Variants in CCSER1 observed in about 807,000 individuals in gnomAD.
The protein encoded by CCSER1 is serine-rich coiled-coil domain-containing protein 1.
In CCSER1, 41 loss-of-function variants were observed where a neutral mutation model predicts 82.0. That is an observed-to-expected ratio of 0.50 (90% CI 0.39 to 0.65). The LOEUF is 0.65. Among genes scored for constraint, CCSER1 ranks in the 30% least tolerant of loss-of-function variants. CCSER1 has a pLI of 0.00. For missense variants in CCSER1, 1,119 were observed against 1,064.2 expected (o/e 1.05, Z -0.72); for synonymous variants, 414 against 383.9 (o/e 1.08, Z -0.92).
chr4:91,093,227 G>C (rs1462520860), intron 10 of CCSER1, among the ~76,000 whole-genome samples: 2 of 152,108 alleles, frequency 1.3e-5, no homozygotes, highest in African/African-American at 4.8e-5. Flanking sequence ...TTCTCCTCGT[G>C]GACTGATGAA....
chr4:90,814,583 G>A (rs1355454998), intron 7 of CCSER1, among the ~76,000 whole-genome samples: 3 of 152,108 alleles, frequency 2.0e-5, no homozygotes, highest in Non-Finnish European at 4.4e-5. Context: ...GCATATGACT[G>A]AATGCATTTG....
At chr4:90,853,820 G>A (rs1190525193) in intron 8 of CCSER1, among the ~76,000 whole-genome samples, 1 of 151,898 alleles carries the variant, frequency 6.6e-6, no homozygotes, top group African/African-American at 2.4e-5. Flanking sequence ...TTGTCCAGGA[G>A]GTAAAACTAA....
At chr4:91,184,028 CA>C (rs938515366) in intron 10 of CCSER1, among the ~76,000 whole-genome samples, 2 of 152,090 alleles carry the variant, frequency 1.3e-5, no homozygotes, top group African/African-American at 4.8e-5. Context: ...CTAAGGTCCC[CA>C]AGTAGGAGTA....
chr4:90,479,245 C>T (rs1297284118), intron 5 of CCSER1, among the ~76,000 whole-genome samples: 1 of 152,072 alleles, frequency 6.6e-6, no homozygotes, highest in Non-Finnish European at 1.5e-5. Context: ...AAATTCTTCA[C>T]TGATGATTAT....
intron 10 of CCSER1, among the ~76,000 whole-genome samples, chr4:91,136,324 G>A (rs1222815522): frequency 2.6e-5 from 4 of 152,120 alleles, no homozygotes; most frequent in African/African-American, 9.7e-5. Flanking sequence ...TATTGGGGTT[G>A]TTTCCTTCAA....
At chr4:91,440,955 A>T (rs939749631) in intron 10 of CCSER1, among the ~76,000 whole-genome samples, 6 of 151,820 alleles carry the variant, frequency 4.0e-5, no homozygotes, top group Admixed American at 3.3e-4. Flanking sequence ...CAATAACAGG[A>T]TCTGAAATTG....
At chr4:91,113,364 C>A (rs369518633) in intron 10 of CCSER1, among the ~76,000 whole-genome samples, 1 of 152,176 alleles carries the variant, frequency 6.6e-6, no homozygotes, top group Non-Finnish European at 1.5e-5. Context: ...AACAACTAAC[C>A]TTTACTGAGG....
At chr4:91,367,569 G>T (rs1478501418) in intron 10 of CCSER1, among the ~76,000 whole-genome samples, 2 of 151,086 alleles carry the variant, frequency 1.3e-5, no homozygotes, top group Admixed American at 6.6e-5. Context: ...TGCCCTCTTT[G>T]CTCTTTACCA....
At chr4:90,665,329 CT>C (rs5860200) in intron 6 of CCSER1, among the ~76,000 whole-genome samples, 66,671 of 144,898 alleles carry the variant, frequency 0.46, 15,261 homozygotes, top group Middle Eastern at 0.59. Context: ...ATTTTTTTTT[CT>C]TTTTTTTTTT....
intron 1 of CCSER1, among the ~76,000 whole-genome samples, chr4:90,191,881 T>C (rs1735691346): frequency 6.6e-6 from 1 of 152,096 alleles, no homozygotes; most frequent in Non-Finnish European, 1.5e-5. Flanking sequence ...ACTTTTAGAA[T>C]GTGGAAGTTT....
chr4:91,598,752 G>T lies in CCSER1; in HGVS notation c.2398G>T (p.Ala800Ser). 1 of 1,551,554 alleles carries T rather than the reference G, an allele frequency of 6.4e-7. No homozygotes were observed. Among genetic ancestry groups the T allele is most frequent in the Non-Finnish European group, 8.7e-7 (1 of 1,146,928 alleles). ...TAATTTCCTGAAGGACAAGGAACTA[G>T]CAGAAGTTATCAAACATTCAAGAGG... Reference protein sequence around the residue: ...LSNFLKDKELAEVIKHSRGTY... With the variant: ...LSNFLKDKELSEVIKHSRGTY... Residue 800 changes from alanine to serine, a missense_variant, in exon 11 of 11, where the codon GCA becomes TCA. Coordinates refer to ENST00000509176, the MANE Select transcript of CCSER1 (RefSeq NM_001145065.2).
At chr4:91,450,713 A>G (rs529741318) in intron 10 of CCSER1, among the ~76,000 whole-genome samples, 2 of 151,976 alleles carry the variant, frequency 1.3e-5, no homozygotes, top group African/African-American at 2.4e-5. Flanking sequence ...AGATGAGAGA[A>G]TTGCACAAGA....
intron 1 of CCSER1, among the ~76,000 whole-genome samples, chr4:90,189,903 G>T (rs10516866): frequency 0.024 from 3,607 of 152,082 alleles, 146 homozygotes; most frequent in African/African-American, 0.082. Flanking sequence ...GGAGAAAGAA[G>T]TGTAAAGCAT....
intron 1 of CCSER1, among the ~76,000 whole-genome samples, chr4:90,178,673 T>A (rs187752581): frequency 2.6e-5 from 4 of 152,224 alleles, no homozygotes. Context: ...CCATACCACA[T>A]GAATATGCTG....
chr4:90,889,821 T>C (rs1305232108), intron 8 of CCSER1, among the ~76,000 whole-genome samples: 1 of 152,208 alleles, frequency 6.6e-6, no homozygotes, highest in Non-Finnish European at 1.5e-5. Context: ...TAATGTTTTC[T>C]TTAAAAACTC....
intron 6 of CCSER1, among the ~76,000 whole-genome samples, chr4:90,647,058 C>T (rs763629312): frequency 3.9e-5 from 6 of 152,070 alleles, no homozygotes; most frequent in Non-Finnish European, 7.3e-5. Context: ...GCTCATTATG[C>T]GCCCACCCAA....
At chr4:91,440,254 G>T (rs13150825) in intron 10 of CCSER1, among the ~76,000 whole-genome samples, 80,359 of 151,744 alleles carry the variant, frequency 0.53, 21,726 homozygotes, top group East Asian at 0.81. Flanking sequence ...ACAGAAATTA[G>T]AACAAACTGT....
At chr4:91,239,271 C>T (rs1739263560) in intron 10 of CCSER1, among the ~76,000 whole-genome samples, 1 of 85,242 alleles carries the variant, frequency 1.2e-5, no homozygotes, top group East Asian at 3.2e-4. Context: ...AACTAGGGTT[C>T]GAATATCTAG....
At chr4:90,253,436 A>T (rs72877751) in intron 1 of CCSER1, among the ~76,000 whole-genome samples, 6,821 of 152,204 alleles carry the variant, frequency 0.045, 395 homozygotes, top group African/African-American at 0.13. Flanking sequence ...TTATTCAACA[A>T]CATTTTTGAA....
Sources: allele counts gnomAD v4.1 joint callset (sites outside exome capture counted in the v4.1 genomes callset), GRCh38; gene constraint gnomAD v4.1.1; transcripts MANE v1.5; gene names NCBI Gene and HGNC (gene_info 2026-07-23, HGNC 2026-07-21).